Variants in KAT6A observed in about 807,000 individuals in gnomAD.
The protein encoded by KAT6A is histone acetyltransferase KAT6A.
In KAT6A, 9 loss-of-function variants were observed where a neutral mutation model predicts 198.4. The ratio of observed to expected loss-of-function variants is 0.05; its 90% CI spans 0.03 to 0.08. The LOEUF is 0.08. Ranked by LOEUF, KAT6A falls within the 10% of genes least tolerant of loss-of-function variation. KAT6A has a pLI of 1.00. For missense variants in KAT6A, 2,077 were observed against 2,509.9 expected (o/e 0.83, Z 3.69); for synonymous variants, 890 against 883.0 (o/e 1.01, Z -0.14).
At position 41,931,542 on chromosome 8, in the gene KAT6A, A is replaced by AT. The variant is rs1821543091; in HGVS notation, c.*662dup. ...CAATGAAGTCCGTCTATAAAGAAACATTCTTGGGGAAGGGTTTCAAGAGGT... is the reference window on the plus strand; with the variant it reads ...CAATGAAGTCCGTCTATAAAGAAACATTTCTTGGGGAAGGGTTTCAAGAGGT... On this transcript the variant is annotated 3_prime_UTR_variant, in exon 17 of 17. Coordinates refer to ENST00000265713, the MANE Select transcript of KAT6A (RefSeq NM_006766.5). 4.8e-6 allele frequency: 1 copy of AT among 206,456 alleles called. No homozygotes were observed. The highest frequency in any genetic ancestry group is 7.3e-5 in the East Asian group (1 of 13,640). 12.8% of individuals were successfully genotyped at this position (206,456 alleles called of 1,614,324 possible). A position where few individuals can be genotyped will look rare whatever the true frequency, so the allele number is the denominator to read the frequency against.
At position 42,001,865 on chromosome 8, in the gene KAT6A, T is replaced by C. The variant is rs570612202; in HGVS notation, c.601-14302A>G. 1.4e-4 allele frequency among the ~76,000 whole-genome samples: 21 copies of C among 152,258 alleles called. No homozygotes were observed. The East Asian group carries it at 3.3e-3, about 24-fold the overall frequency. ...TACCTATAAAGAGAGCATCTTAGAG[T>C]TCTAGGTCTCCTACATGTATGCAAA... On this transcript the variant is annotated intron_variant, in intron 2 of 16. Coordinates refer to ENST00000265713, the MANE Select transcript of KAT6A (RefSeq NM_006766.5).
At position 42,051,085 on chromosome 8, in the gene KAT6A, C is replaced by T. The variant is rs201227990; in HGVS notation, c.-326+816G>A. Among the ~76,000 whole-genome samples the T allele has an allele frequency of 3.9e-3, 595 of 152,242 alleles. 1 individual carries two copies. Among genetic ancestry groups the T allele is most frequent in the Non-Finnish European group, 7.5e-3 (511 of 67,992 alleles). ...GTTTCCACGCGATGGAAACAGACCC[C>T]GAGCACAAGTTAACAATGAAATCAC... On this transcript the variant is annotated intron_variant, in intron 1 of 16. Coordinates refer to ENST00000265713, the MANE Select transcript of KAT6A (RefSeq NM_006766.5).
At chr8:41,960,406 A>G (rs913845468) in intron 8 of KAT6A, among the ~76,000 whole-genome samples, 3 of 151,530 alleles carry the variant, frequency 2.0e-5, no homozygotes, top group African/African-American at 7.3e-5. Context: ...CGTCTCTACT[A>G]AAAATACAAA....
At chr8:42,029,270 T>A (rs537364730) in intron 2 of KAT6A, among the ~76,000 whole-genome samples, 1 of 152,348 alleles carries the variant, frequency 6.6e-6, no homozygotes, top group Admixed American at 6.5e-5. Context: ...CCTTATGGAC[T>A]GAATCTATTT....
intron 12 of KAT6A, among the ~76,000 whole-genome samples, chr8:41,945,752 C>T (rs189380001): frequency 7.8e-4 from 119 of 152,018 alleles, no homozygotes; most frequent in African/African-American, 2.4e-3. Flanking sequence ...TCCAAGGCCA[C>T]GCATGGTGGC....
rs562133864 is a variant in KAT6A at position 41,960,067 on chromosome 8, T to C, written c.1483-4656A>G. Among the ~76,000 whole-genome samples, 35 of 151,838 alleles carry C rather than the reference T, an allele frequency of 2.3e-4. 1 individual carries two copies. In the South Asian group the frequency reaches 7.3e-3, roughly 32 times the overall value. ...ACAGCCAGACACAAAAGGACAAATA[T>C]TGTATAATTCTACTTATGGTACCTA... On this transcript the variant is annotated intron_variant, in intron 8 of 16. Transcript: ENST00000265713.
At chr8:41,961,530 G>A (rs761931065) in intron 8 of KAT6A, among the ~76,000 whole-genome samples, 26 of 152,002 alleles carry the variant, frequency 1.7e-4, no homozygotes, top group Non-Finnish European at 2.1e-4. Context: ...CAAGGTGGGC[G>A]GGTCACAAGG....
chr8:41,955,347 T>C lies in KAT6A; in HGVS notation c.1547A>G (p.Lys516Arg), dbSNP rs1262024715. The change falls in exon 9 of 17, where the codon AAG becomes AGG. Residue 516 changes from lysine to arginine, a missense_variant. By Grantham distance (26) the Lys-to-Arg change is conservative. Transcript: ENST00000265713. ...VRCPSVIEFG[K>R]YEIHTWYSSP... ...GGAGTACCAGGTGTGAATTTCATAC[T>C]TCCCAAACTCAATGACAGAGGGACA... is the stretch of plus-strand genomic sequence containing the variant. 6.2e-7 allele frequency: 1 copy of C among 1,613,616 alleles called. No individual in the cohort carries two copies. Among genetic ancestry groups the C allele is most frequent in the Non-Finnish European group, 8.5e-7 (1 of 1,179,672 alleles).
intron 5 of KAT6A, among the ~76,000 whole-genome samples, chr8:41,979,036 G>A (rs113017851): frequency 6.6e-6 from 1 of 152,220 alleles, no homozygotes; most frequent in Non-Finnish European, 1.5e-5. Context: ...CTGAGGCTGA[G>A]GCGGGTGGAT....
chr8:42,036,166 G>A (rs1232966603), intron 2 of KAT6A, among the ~76,000 whole-genome samples: 1 of 151,780 alleles, frequency 6.6e-6, no homozygotes, highest in Non-Finnish European at 1.5e-5. Context: ...TACTGAAAAT[G>A]AGAAAAAAAG....
intron 2 of KAT6A, among the ~76,000 whole-genome samples, chr8:42,033,243 T>C (rs1461467764): frequency 6.6e-5 from 10 of 152,162 alleles, no homozygotes; most frequent in Admixed American, 5.9e-4. Flanking sequence ...TTCCTGGCCC[T>C]GTGGAATAAT....
chr8:41,942,401 C>T (rs533551314), intron 14 of KAT6A: 37 of 260,372 alleles, frequency 1.4e-4, no homozygotes, highest in African/African-American at 8.1e-4. Flanking sequence ...CCGCCTGGGC[C>T]TCCTAAAGCG....
intron 2 of KAT6A, among the ~76,000 whole-genome samples, chr8:42,017,054 T>A (rs1826306860): frequency 6.6e-6 from 1 of 152,148 alleles, no homozygotes; most frequent in African/African-American, 2.4e-5. Flanking sequence ...CTAATAAATA[T>A]ATAAAAAATT....
intron 2 of KAT6A, among the ~76,000 whole-genome samples, chr8:42,027,725 A>T (rs1341753491): frequency 6.6e-6 from 1 of 151,772 alleles, no homozygotes; most frequent in East Asian, 1.9e-4. Context: ...TTGTCTTTTT[A>T]AAAAACTTTT....
At chr8:42,047,561 C>T (rs1339901799) in intron 2 of KAT6A, among the ~76,000 whole-genome samples, 3 of 152,070 alleles carry the variant, frequency 2.0e-5, no homozygotes, top group East Asian at 1.9e-4. Flanking sequence ...ACTACAGGCG[C>T]GCCCATACCT....
intron 2 of KAT6A, among the ~76,000 whole-genome samples, chr8:42,004,926 C>G (rs1171674257): frequency 1.3e-5 from 2 of 150,574 alleles, no homozygotes; most frequent in African/African-American, 4.9e-5. Context: ...GAAACTCCGT[C>G]TCTAAAAAAA....
chr8:41,960,394 C>T (rs987960429), intron 8 of KAT6A, among the ~76,000 whole-genome samples: 15 of 151,708 alleles, frequency 9.9e-5, no homozygotes, highest in African/African-American at 3.1e-4. Context: ...AAGGTGAAAC[C>T]CCGTCTCTAC....
At chr8:41,993,949 G>A (rs1554691181) in intron 2 of KAT6A, among the ~76,000 whole-genome samples, 2 of 151,924 alleles carry the variant, frequency 1.3e-5, no homozygotes, top group Non-Finnish European at 1.5e-5. Context: ...GCACTAAGGT[G>A]GTTATAGGAA....
chr8:41,979,414 G>A (rs1250807049), intron 5 of KAT6A, among the ~76,000 whole-genome samples: 4 of 150,282 alleles, frequency 2.7e-5, no homozygotes, highest in Non-Finnish European at 5.9e-5. Flanking sequence ...TGAGGTGGGC[G>A]GATTACCTGA....
Sources: allele counts gnomAD v4.1 joint callset (sites outside exome capture counted in the v4.1 genomes callset), GRCh38; gene constraint gnomAD v4.1.1; transcripts MANE v1.5; gene names NCBI Gene and HGNC (gene_info 2026-07-23, HGNC 2026-07-21).